Variants in ADGRA3 observed in about 807,000 individuals in gnomAD.
ADGRA3 encodes the protein G-protein coupled receptor 125.
A neutral mutation model predicts 119.8 loss-of-function variants in ADGRA3; 56 were observed. That is an observed-to-expected ratio of 0.47 (90% confidence interval 0.38 to 0.58). ADGRA3 has a LOEUF of 0.58. Ranked by LOEUF, ADGRA3 falls within the 20% of genes least tolerant of loss-of-function variation. ADGRA3 has a pLI of 0.00. For missense variants in ADGRA3, 1,516 were observed against 1,649.0 expected, an observed-to-expected ratio of 0.92 and a Z score of 1.40; for synonymous variants, 607 against 623.8, an observed-to-expected ratio of 0.97 and a Z score of 0.40.
chr4:22,497,330 C>T (rs1020673629), intron 1 of ADGRA3, among the ~76,000 whole-genome samples: 1 of 151,856 alleles, frequency 6.6e-6, no homozygotes, highest in Non-Finnish European at 1.5e-5. Context: ...TATTTGTATA[C>T]ACAGTCATCA....
intron 1 of ADGRA3, among the ~76,000 whole-genome samples, chr4:22,497,874 C>G (rs6818041): frequency 2.0e-5 from 3 of 148,196 alleles, no homozygotes; most frequent in Non-Finnish European, 3.0e-5. Flanking sequence ...AGCCCAGGAG[C>G]TCAAGGCTAC....
At chr4:22,502,629 C>G (rs1258877898) in intron 1 of ADGRA3, among the ~76,000 whole-genome samples, 1 of 150,276 alleles carries the variant, frequency 6.7e-6, no homozygotes, top group Admixed American at 6.6e-5. Context: ...CTATGTGCAA[C>G]AAGGAGAAAC....
Position 22,401,448 on chromosome 4 carries a change from C to T in ADGRA3, c.2464G>A (p.Ala822Thr). 1 of 1,606,120 alleles carries T rather than the reference C, an allele frequency of 6.2e-7. No homozygotes were observed. Residue 822 changes from alanine (A) to threonine (T), a missense_variant, in exon 16 of 19, where the codon GCC (alanine) becomes ACC (threonine). Coordinates refer to ENST00000334304, the MANE Select transcript of ADGRA3 (RefSeq NM_145290.4). Reference sequence around the variant, plus strand: ...TGACTTACTGCTTGGCAGATGCTGGCATTCCTAGTCTGGGTTATTCCTCCC... The same window carrying T: ...TGACTTACTGCTTGGCAGATGCTGGTATTCCTAGTCTGGGTTATTCCTCCC... ...FVGGITQTRN[A>T]SICQAVGIIL...
At chr4:22,499,179 G>A (rs1428544062) in intron 1 of ADGRA3, among the ~76,000 whole-genome samples, 1 of 152,166 alleles carries the variant, frequency 6.6e-6, no homozygotes, top group Non-Finnish European at 1.5e-5. Context: ...GGTACAATCA[G>A]CCAATTCTAA....
intron 1 of ADGRA3, among the ~76,000 whole-genome samples, chr4:22,495,429 A>G (rs1430822134): frequency 6.6e-6 from 1 of 152,010 alleles, no homozygotes; most frequent in Non-Finnish European, 1.5e-5. Flanking sequence ...CTTATGAACT[A>G]TTTATTTCTG....
chr4:22,397,374 G>A (rs1355574293), intron 16 of ADGRA3, among the ~76,000 whole-genome samples: 2 of 151,876 alleles, frequency 1.3e-5, no homozygotes, highest in East Asian at 1.9e-4. Context: ...CGGAGATGGG[G>A]TTTCACCATG....
chr4:22,459,292 GAAC>G (rs1290668366), intron 3 of ADGRA3, among the ~76,000 whole-genome samples: 2 of 152,006 alleles, frequency 1.3e-5, no homozygotes, highest in Non-Finnish European at 2.9e-5. Context: ...TACATAGAGG[GAAC>G]AACACACACT....
At chr4:22,391,443 A>G (rs949268149) in intron 17 of ADGRA3, among the ~76,000 whole-genome samples, 1 of 151,560 alleles carries the variant, frequency 6.6e-6, no homozygotes, top group African/African-American at 2.4e-5. Context: ...CCCTCACACA[A>G]CTCTCTTAAA....
intron 10 of ADGRA3, among the ~76,000 whole-genome samples, chr4:22,428,700 C>T (rs1577342656): frequency 6.6e-6 from 1 of 152,294 alleles, no homozygotes; most frequent in South Asian, 2.1e-4. Context: ...TGTTATTACA[C>T]TGATTAATGA....
chr4:22,478,724 T>C (rs1718141302), intron 1 of ADGRA3, among the ~76,000 whole-genome samples: 1 of 152,070 alleles, frequency 6.6e-6, no homozygotes, highest in African/African-American at 2.4e-5. Flanking sequence ...CTAAATCCAA[T>C]GCAAGTGTCC....
Position 22,479,292 on chromosome 4 carries a change from T to C in ADGRA3, c.258-5449A>G, listed in dbSNP as rs558592190. Among the ~76,000 whole-genome samples, 4 of 152,118 alleles carry C rather than the reference T, an allele frequency of 2.6e-5. 1 individual carries two copies. Among genetic ancestry groups the C allele is most frequent in the African/African-American group, 9.6e-5 (4 of 41,510 alleles). ...TCCTGGCTAACACAGTGAAACACCA[T>C]CTCTACTAAAAATATAAAAAATTAG... On this transcript the variant is annotated intron_variant, in intron 1 of 18. Transcript: ENST00000334304.
chr4:22,406,063 C>T (rs1714908230), intron 14 of ADGRA3, among the ~76,000 whole-genome samples: 1 of 152,132 alleles, frequency 6.6e-6, no homozygotes, highest in Admixed American at 6.5e-5. Flanking sequence ...AAAACATGCA[C>T]TATTTGTCAT....
chr4:22,484,128 C>T (rs551189733), intron 1 of ADGRA3, among the ~76,000 whole-genome samples: 21 of 151,676 alleles, frequency 1.4e-4, no homozygotes, highest in Admixed American at 5.9e-4. Context: ...TTACAATGCA[C>T]GCAATATACC....
intron 12 of ADGRA3, among the ~76,000 whole-genome samples, chr4:22,416,655 G>T (rs1715441633): frequency 6.6e-6 from 1 of 152,062 alleles, no homozygotes; most frequent in South Asian, 2.1e-4. Context: ...CTGGGGGAGA[G>T]GAAATGCCTT....
intron 11 of ADGRA3, among the ~76,000 whole-genome samples, chr4:22,422,236 C>A (rs1045896424): frequency 9.9e-5 from 15 of 152,142 alleles, no homozygotes; most frequent in African/African-American, 3.6e-4. Flanking sequence ...TTCTACGTAT[C>A]ACATATGGAT....
At chr4:22,427,079 TCTGA>T (rs1487139889) in intron 10 of ADGRA3, among the ~76,000 whole-genome samples, 3 of 152,186 alleles carry the variant, frequency 2.0e-5, no homozygotes, top group Non-Finnish European at 4.4e-5. Flanking sequence ...TGTCTATTAT[TCTGA>T]CTTACTGTTA....
intron 1 of ADGRA3, among the ~76,000 whole-genome samples, chr4:22,487,406 G>C (rs554086076): frequency 6.6e-6 from 1 of 152,186 alleles, no homozygotes; most frequent in African/African-American, 2.4e-5. Context: ...TCACAATAGG[G>C]TTCATACTCC....
intron 10 of ADGRA3, among the ~76,000 whole-genome samples, chr4:22,434,557 C>T (rs1440150604): frequency 6.6e-6 from 1 of 152,142 alleles, no homozygotes; most frequent in African/African-American, 2.4e-5. Flanking sequence ...TTCCCTCTAC[C>T]TCTATAATTA....
intron 1 of ADGRA3, among the ~76,000 whole-genome samples, chr4:22,484,640 TAAAATGATACCATGCAGAATACA>T (rs572974532): frequency 0.032 from 4,845 of 149,336 alleles, 122 homozygotes; most frequent in Non-Finnish European, 0.048. Context: ...AGCTTTGTAC[TAAAATGATACCATGCAGAATACA>T]AATGGTTAAG....
Sources: gnomAD v4.1 joint callset for allele counts (sites outside exome capture counted in the v4.1 genomes callset) on GRCh38, gnomAD v4.1.1 for gene constraint, MANE v1.5 for transcripts, NCBI Gene and HGNC (gene_info 2026-07-23, HGNC 2026-07-21) for gene names.